Variants in PIK3AP1 observed in about 807,000 individuals in gnomAD.
The protein encoded by PIK3AP1 is phosphoinositide-3-kinase adaptor protein 1.
PIK3AP1 carries 21 observed loss-of-function variants against 88.1 expected under a neutral mutation model. The ratio of observed to expected loss-of-function variants is 0.24; its 90% CI spans 0.17 to 0.34. PIK3AP1 has a LOEUF of 0.34. Ranked by LOEUF, PIK3AP1 falls within the 10% of genes least tolerant of loss-of-function variation. The probability of loss-of-function intolerance (pLI) is 1.00; values close to 1 mark genes in which losing one functional copy is unlikely to be tolerated. For missense variants in PIK3AP1, 828 were observed against 1,035.7 expected, an observed-to-expected ratio of 0.80 and a Z score of 2.75; for synonymous variants, 398 against 400.0, an observed-to-expected ratio of 1.00 and a Z score of 0.06.
chr10:96,692,132 A>G (rs1453906135), intron 2 of PIK3AP1, among the ~76,000 whole-genome samples: 1 of 152,270 alleles, frequency 6.6e-6, no homozygotes, highest in Non-Finnish European at 1.5e-5. Flanking sequence ...ACTGGACAGA[A>G]GAAAACCCAT....
intron 16 of PIK3AP1, among the ~76,000 whole-genome samples, chr10:96,600,995 C>T (rs10786303): frequency 0.81 from 123,622 of 151,954 alleles, 50,784 homozygotes; most frequent in East Asian, 0.99. Context: ...TAAACAAAGG[C>T]ATACATCAAA....
intron 1 of PIK3AP1, among the ~76,000 whole-genome samples, chr10:96,712,033 C>T (rs1844446226): frequency 6.6e-6 from 1 of 151,844 alleles, no homozygotes; most frequent in Admixed American, 6.6e-5. Flanking sequence ...GAATTACAGG[C>T]GTGAGCCACC....
chr10:96,720,484 C>G lies in PIK3AP1; in HGVS notation c.-90G>C, dbSNP rs1044471146. 37 of 1,146,878 alleles carry G rather than the reference C, an allele frequency of 3.2e-5. No homozygotes were observed. The highest frequency in any genetic ancestry group is 6.8e-4 in the Middle Eastern group (2 of 2,938). 71.0% of individuals were successfully genotyped at this position (1,146,878 alleles called of 1,614,324 possible). A position where few individuals can be genotyped will look rare whatever the true frequency, so the allele number is the denominator to read the frequency against. On this transcript the variant is annotated 5_prime_UTR_variant, in exon 1 of 17. Transcript: ENST00000339364. This position sits in a 1 kb window ranked among gnomAD's most constrained non-coding sequence, Gnocchi z 4.6. ...CGTCCTGGCTCGGGCTGGAGGGGCG[C>G]CGGGCTCCGCGCGGGACCGGCCGCC...
intron 3 of PIK3AP1, 96 bp from the exon 4 acceptor site, chr10:96,652,938 C>T (rs1843561616): frequency 2.2e-6 from 3 of 1,385,400 alleles, no homozygotes; most frequent in Middle Eastern, 2.6e-4. Context: ...CCTAGCTCTA[C>T]CTAGTGAGAA....
At chr10:96,615,346 AT>A (rs1346843180) in intron 13 of PIK3AP1, among the ~76,000 whole-genome samples, 16 of 152,076 alleles carry the variant, frequency 1.1e-4, no homozygotes, top group Admixed American at 1.0e-3. Flanking sequence ...TGACTTTTAA[AT>A]TTTTTAAACA....
chr10:96,715,903 A>AT (rs957310392), intron 1 of PIK3AP1, among the ~76,000 whole-genome samples: 18 of 152,198 alleles, frequency 1.2e-4, no homozygotes, highest in African/African-American at 3.9e-4. Context: ...GAAAAAAAAA[A>AT]AAAAGTACAA....
intron 7 of PIK3AP1, among the ~76,000 whole-genome samples, chr10:96,647,580 G>T (rs1244838814): frequency 6.6e-6 from 1 of 151,926 alleles, no homozygotes; most frequent in Non-Finnish European, 1.5e-5. Flanking sequence ...TGTCAGTGAC[G>T]CCCAAAAAAA....
chr10:96,603,522 A>G (rs1242329956), intron 15 of PIK3AP1, among the ~76,000 whole-genome samples: 1 of 152,062 alleles, frequency 6.6e-6, no homozygotes, highest in Admixed American at 6.5e-5. Flanking sequence ...CTCCCAGCCT[A>G]CATCTTTCTC....
intron 2 of PIK3AP1, among the ~76,000 whole-genome samples, chr10:96,664,826 G>A (rs1843739157): frequency 1.3e-5 from 2 of 152,176 alleles, no homozygotes; most frequent in South Asian, 4.1e-4. Flanking sequence ...AGCCACAGTG[G>A]CCTCTTCCAC....
chr10:96,656,821 GCAC>G lies in PIK3AP1; in HGVS notation c.541_543del (p.Val181del). ...ACCCCACAGCGAATGCGGTCCGGCT[GCAC>G]CACCATCAGGTTCCCAGGTGAAGTC... On this transcript the variant is annotated inframe_deletion, in exon 3 of 17. Transcript: ENST00000339364. 6.2e-7 allele frequency: 1 copy of G among 1,614,118 alleles called. No individual in the cohort carries two copies. Among genetic ancestry groups the G allele is most frequent in the East Asian group, 2.2e-5 (1 of 44,890 alleles).
chr10:96,616,913 C>T (rs1849223603), intron 12 of PIK3AP1, among the ~76,000 whole-genome samples: 1 of 152,200 alleles, frequency 6.6e-6, no homozygotes, highest in African/African-American at 2.4e-5. Context: ...GAAGAGAAGA[C>T]ATCTCTTCCA....
intron 16 of PIK3AP1, among the ~76,000 whole-genome samples, chr10:96,597,899 G>A (rs1402480901): frequency 1.3e-5 from 2 of 152,122 alleles, no homozygotes; most frequent in African/African-American, 4.8e-5. Context: ...GCCACACTGT[G>A]CAGTTGGGGT....
intron 2 of PIK3AP1, among the ~76,000 whole-genome samples, chr10:96,677,370 G>A (rs547761556): frequency 4.7e-4 from 72 of 152,098 alleles, no homozygotes; most frequent in Non-Finnish European, 7.5e-4. Context: ...AAACTTGGGC[G>A]TTCTCACACT....
intron 2 of PIK3AP1, among the ~76,000 whole-genome samples, chr10:96,691,595 A>T (rs746545606): frequency 2.0e-5 from 3 of 152,226 alleles, no homozygotes; most frequent in Non-Finnish European, 2.9e-5. Context: ...CCAGTGTTCC[A>T]GCCCATCGGG....
chr10:96,646,595 C>CA (rs1843463607), intron 7 of PIK3AP1, among the ~76,000 whole-genome samples: 1 of 152,016 alleles, frequency 6.6e-6, no homozygotes, highest in South Asian at 2.1e-4. Flanking sequence ...TGTGTGTAGT[C>CA]AGAGGTCACT....
intron 2 of PIK3AP1, among the ~76,000 whole-genome samples, chr10:96,706,085 G>A: frequency 6.6e-6 from 1 of 151,666 alleles, no homozygotes; most frequent in East Asian, 1.9e-4. Context: ...AGTAGAGACA[G>A]GGTTTCACCG....
At chr10:96,713,489 C>T (rs1164340687) in intron 1 of PIK3AP1, among the ~76,000 whole-genome samples, 1 of 137,252 alleles carries the variant, frequency 7.3e-6, no homozygotes, top group African/African-American at 2.8e-5. Context: ...GGGAGACAGA[C>T]CGAGACTCCG....
intron 7 of PIK3AP1, 125 bp downstream of exon 7, chr10:96,648,534 C>T: frequency 1.9e-6 from 2 of 1,035,258 alleles, no homozygotes; most frequent in Non-Finnish European, 2.7e-6. Context: ...CACATACTGC[C>T]CATGGCCAGA....
intron 2 of PIK3AP1, among the ~76,000 whole-genome samples, chr10:96,689,018 T>C (rs1322155704): frequency 6.6e-6 from 1 of 152,126 alleles, no homozygotes; most frequent in South Asian, 2.1e-4. Flanking sequence ...TTTGGTCACA[T>C]TGCTGTCCCA....
Sources: gnomAD v4.1 joint callset for allele counts (sites outside exome capture counted in the v4.1 genomes callset) on GRCh38, gnomAD v4.1.1 for gene constraint, Gnocchi (gnomAD v3.1) non-coding constraint, MANE v1.5 for transcripts, NCBI Gene and HGNC (gene_info 2026-07-23, HGNC 2026-07-21) for gene names.